The following SLC6A18 variants were observed in gnomAD, a reference collection of about 807,000 sequenced individuals.
SLC6A18 encodes inactive sodium-dependent neutral amino acid transporter B(0)AT3.
Under a neutral mutation model 62.9 loss-of-function variants are expected in SLC6A18, and 58 were observed. That is an observed-to-expected ratio of 0.92 (90% confidence interval 0.75 to 1.15). SLC6A18 has a LOEUF of 1.15. Among genes scored for constraint, SLC6A18 ranks in the 50% most tolerant of loss-of-function variants. SLC6A18 has a pLI of 0.00. For synonymous variants in SLC6A18, 382 were observed against 365.8 expected (o/e 1.04, Z -0.51); for missense variants, 793 against 836.6 (o/e 0.95, Z 0.64).
intron 1 of SLC6A18, among the ~76,000 whole-genome samples, chr5:1,230,551 C>A (rs1746706131): frequency 6.6e-6 from 1 of 152,188 alleles, no homozygotes; most frequent in African/African-American, 2.4e-5. Context: ...TGTGCAGAAG[C>A]CAACAGGGGT....
rs779429362 is a variant in SLC6A18 at position 1,232,767 on chromosome 5, G to A, written c.318G>A (p.Thr106=). 5.6e-6 allele frequency: 9 copies of A among 1,613,062 alleles called. No individual in the cohort carries two copies. The highest frequency in any genetic ancestry group is 1.6e-4 in the Middle Eastern group (1 of 6,084). The part of the protein sequence containing the change: ...YLSGVGLGCV[T]LSFLISLYYN... Reference sequence around the variant, plus strand: ...TGTCCACAGGGCTGGGCTGTGTCACGCTGTCCTTCCTGATCAGCCTGTACT... The same window carrying A: ...TGTCCACAGGGCTGGGCTGTGTCACACTGTCCTTCCTGATCAGCCTGTACT... Residue 106 remains threonine (T), a synonymous_variant, in exon 3 of 12, where the codon ACG becomes ACA. Transcript: ENST00000324642.
chr5:1,244,776 T>C lies in SLC6A18; in HGVS notation c.1656+9T>C. The stretch of plus-strand genomic sequence containing the variant: ...CCTGGAACCCCAAATACGTAGGTCC[T>C]TCCGGTGGGAACCTGGGAAGTCCTG... On this transcript the variant is annotated intron_variant, in intron 11 of 11. Coordinates refer to ENST00000324642, the MANE Select transcript of SLC6A18 (RefSeq NM_182632.3). 6.3e-7 allele frequency: 1 copy of C among 1,589,880 alleles called. No homozygotes were observed. Among genetic ancestry groups the C allele is most frequent in the Non-Finnish European group, 8.6e-7 (1 of 1,162,270 alleles).
At position 1,243,609 on chromosome 5, in the gene SLC6A18, A is replaced by G; in HGVS notation, c.1186A>G (p.Met396Val). The change falls in exon 9 of 12, where the codon ATG (methionine) becomes GTG (valine). Residue 396 changes from methionine to valine, a missense_variant. By Grantham distance (21) the Met-to-Val change is conservative (BLOSUM62 1). Coordinates refer to ENST00000324642, the MANE Select transcript of SLC6A18 (RefSeq NM_182632.3). This position sits in a 1 kb window ranked among gnomAD's most constrained non-coding sequence, Gnocchi z 6.5. Reference sequence around the variant, plus strand: ...CGTCTTCACGGAGACCGACCTCCACATGCCGGGGGCTCCTGTGTGGGCCAT... The same window carrying G: ...CGTCTTCACGGAGACCGACCTCCACGTGCCGGGGGCTCCTGTGTGGGCCAT... ...FVVFTETDLH[M>V]PGAPVWAMLF... is the part of the protein sequence containing the mutation. 2 of 1,613,962 alleles carry G rather than the reference A, an allele frequency of 1.2e-6. No homozygotes were observed. Among genetic ancestry groups the G allele is most frequent in the East Asian group, 2.2e-5 (1 of 44,872 alleles).
chr5:1,245,705 G>A, intron 11 of SLC6A18, 143 bp from the exon 12 acceptor site: 1 of 895,138 alleles, frequency 1.1e-6, no homozygotes, highest in East Asian at 2.7e-5. Flanking sequence ...CACACGGCCT[G>A]GCCACTGCTC....
intron 4 of SLC6A18, among the ~76,000 whole-genome samples, chr5:1,236,411 A>G (rs1746884123): frequency 6.6e-6 from 1 of 152,206 alleles, no homozygotes; most frequent in African/African-American, 2.4e-5. Context: ...CAGCAAATGC[A>G]TTGTTATCAG....
rs1475820560 is a variant in SLC6A18 at position 1,238,046 on chromosome 5, T to C, written c.718T>C (p.Leu240=). Residue 240 remains leucine, a synonymous_variant, in exon 5 of 12, where the codon TTG becomes CTG. Coordinates refer to ENST00000324642, the MANE Select transcript of SLC6A18 (RefSeq NM_182632.3). ...LPGATKGLIY[L]FTPNMHILQN... ...AGGGGCAACAAAAGGACTCATCTAC[T>C]TGTTCACTCCCAACGTAAGTGGGTC... 1 of 1,613,964 alleles carries C rather than the reference T, an allele frequency of 6.2e-7. No individual in the cohort carries two copies. The highest frequency in any genetic ancestry group is 2.2e-5 in the East Asian group (1 of 44,886).
chr5:1,227,073 CCCTTGCCCGCCGACG>C (rs776335328), intron 1 of SLC6A18, among the ~76,000 whole-genome samples: 6,773 of 68,932 alleles, frequency 0.098, 272 homozygotes, highest in Non-Finnish European at 0.12. Flanking sequence ...GCCCGCCGAC[CCCTTGCCCGCCGACG>C]CCTTGCCCGC....
At position 1,238,012 on chromosome 5, in the gene SLC6A18, G is replaced by C. The variant is rs1355986608; in HGVS notation, c.684G>C (p.Leu228=). The part of the protein sequence containing the change: ...LVLTIFLIRG[L]TLPGATKGLI... Reference sequence around the variant, plus strand: ...TGACCATCTTTCTCATCAGAGGGCTGACCCTGCCAGGGGCAACAAAAGGAC... The same window carrying C: ...TGACCATCTTTCTCATCAGAGGGCTCACCCTGCCAGGGGCAACAAAAGGAC... The change falls in exon 5 of 12, where the codon CTG becomes CTC. Residue 228 remains leucine, a synonymous_variant. Transcript: ENST00000324642. 3 of 1,614,094 alleles carry C rather than the reference G, an allele frequency of 1.9e-6. No homozygotes were observed. In the African/African-American group the frequency reaches 4.0e-5, roughly 22 times the overall value.
chr5:1,233,317 A>C (rs1746785524), intron 3 of SLC6A18, among the ~76,000 whole-genome samples: 1 of 152,176 alleles, frequency 6.6e-6, no homozygotes, highest in African/African-American at 2.4e-5. Context: ...ATCTCTACTC[A>C]AAATACAAAA....
Position 1,235,498 on chromosome 5 carries a change from C to T in SLC6A18, c.457C>T (p.Gln153Ter). ...GGTTTCAGGGTTTGTGGAGGAGTGC[C>T]AGGGCAGCAGCGCCGTGAGCTACTT... Reference protein sequence around the residue: ...LNRTGFVEECQGSSAVSYFWY... With the variant: ...LNRTGFVEEC The change falls in exon 4 of 12, where the codon CAG (glutamine) becomes TAG (stop). Residue 153 changes from glutamine to a stop codon, truncating the protein, a stop_gained. Transcript: ENST00000324642. LOFTEE classifies it high-confidence loss of function. 3 of 1,613,878 alleles carry T rather than the reference C, an allele frequency of 1.9e-6. No individual in the cohort carries two copies. Among genetic ancestry groups the T allele is most frequent in the Non-Finnish European group, 2.5e-6 (3 of 1,179,922 alleles).
chr5:1,226,971 G>A (rs1369011872), intron 1 of SLC6A18, among the ~76,000 whole-genome samples: 2 of 70,568 alleles, frequency 2.8e-5, no homozygotes, highest in South Asian at 4.5e-4. Context: ...CTTGCCCACC[G>A]ACGCCTTGCC....
In SLC6A18 at chr5:1,245,938, C is replaced by T. The variant is rs1747207137; in HGVS notation, c.1747C>T (p.Pro583Ser). The change falls in exon 12 of 12, where the codon CCG becomes TCG. Residue 583 changes from proline to serine, a missense_variant. By Grantham distance (74) the Pro-to-Ser change is moderately conservative. Transcript: ENST00000324642. ...GTCCTTGCTGCCCGTGCTGTGGGTC[C>T]CGGTGGCCGCGCTTGCTCAGCTGCT... ...LLSLLPVLWV[P>S]VAALAQLLTR... 6.2e-7 allele frequency: 1 copy of T among 1,603,704 alleles called. No homozygotes were observed. Among genetic ancestry groups the T allele is most frequent in the Non-Finnish European group, 8.5e-7 (1 of 1,179,418 alleles).
chr5:1,240,454 C>T, intron 6 of SLC6A18, 77 bp from the exon 7 acceptor site: 2 of 1,583,142 alleles, frequency 1.3e-6, no homozygotes, highest in Non-Finnish European at 8.6e-7. Context: ...GGAGGGAAGC[C>T]CCCTCCTCAC....
intron 11 of SLC6A18, 52 bp downstream of exon 11, chr5:1,244,819 T>C: frequency 6.4e-7 from 1 of 1,551,492 alleles, no homozygotes; most frequent in Non-Finnish European, 8.7e-7. Flanking sequence ...TCGGGCTTGG[T>C]CTGGCCCCTA....
chr5:1,242,218 G>A (rs568692789), intron 7 of SLC6A18, among the ~76,000 whole-genome samples: 44 of 152,350 alleles, frequency 2.9e-4, no homozygotes, highest in African/African-American at 1.0e-3. Context: ...GCACCCATGG[G>A]GGAGTGCTCC....
rs7728667 is a variant in SLC6A18 at position 1,225,511 on chromosome 5, T to A, written c.34T>A (p.Cys12Ser). The change falls in exon 1 of 12, where the codon TGC (cysteine) becomes AGC (serine). Residue 12 changes from cysteine to serine, a missense_variant. Coordinates refer to ENST00000324642, the MANE Select transcript of SLC6A18 (RefSeq NM_182632.3). ...AHAPEPDPAA[C>S]DLGDERPKWD... ...TGCCCCAGAACCGGACCCGGCCGCC[T>A]GCGACCTCGGGGATGAGAGGCCCAA... The A allele has an allele frequency of 0.78, 1,251,696 of 1,612,818 alleles. 487,541 individuals carry two copies. The highest frequency in any genetic ancestry group is 0.82 in the African/African-American group (61,503 of 74,926).
rs149391939 is a variant in SLC6A18, at chr5:1,243,716, C to A, written c.1293C>A (p.Asp431Glu). ...AGGCGGTCATCACACCCCTGCTGGA[C>A]GTGGGGGTCCTGCCTAGATGGGTCC... ...TVEAVITPLL[D>E]VGVLPRWVPK... The change falls in exon 9 of 12, where the codon GAC becomes GAA. Residue 431 changes from aspartate (D) to glutamate (E), a missense_variant. Transcript: ENST00000324642. This position sits in a 1 kb window ranked among gnomAD's most constrained non-coding sequence, Gnocchi z 6.5. 1 of 1,613,344 alleles carries A rather than the reference C, an allele frequency of 6.2e-7. No homozygotes were observed. The highest frequency in any genetic ancestry group is 1.3e-5 in the African/African-American group (1 of 74,912).
chr5:1,231,987 T>C (rs1259464429), intron 1 of SLC6A18, among the ~76,000 whole-genome samples: 1 of 152,126 alleles, frequency 6.6e-6, no homozygotes, highest in Non-Finnish European at 1.5e-5. Flanking sequence ...GGCCCCCTGC[T>C]CCCCTCCAGG....
chr5:1,227,113 CCGACGCCTTGCCCGT>C (rs1554035926), intron 1 of SLC6A18, among the ~76,000 whole-genome samples: 3 of 87,166 alleles, frequency 3.4e-5, no homozygotes, highest in Admixed American at 1.1e-4. Flanking sequence ...GCCTTGCCCG[CCGACGCCTTGCCCGT>C]CGATGCCTTG....
Sources: gnomAD v4.1 joint callset for allele counts (sites outside exome capture counted in the v4.1 genomes callset) on GRCh38, gnomAD v4.1.1 for gene constraint, Gnocchi (gnomAD v3.1) non-coding constraint, MANE v1.5 for transcripts, NCBI Gene and HGNC (gene_info 2026-07-23, HGNC 2026-07-21) for gene names.